RALYL: variants seen among roughly 807,000 people sequenced by gnomAD.
RALYL encodes the protein RALY RNA binding protein like, also known as RNA-binding Raly-like protein.
Under a neutral mutation model 35.1 loss-of-function variants are expected in RALYL, and 29 were observed. The ratio of observed to expected loss-of-function variants is 0.83; its 90% CI spans 0.61 to 1.13. The LOEUF is 1.13. Among genes scored for constraint, RALYL ranks in the 50% most tolerant of loss-of-function variants. RALYL has a pLI of 0.00. For missense variants in RALYL, 359 were observed against 360.4 expected, an observed-to-expected ratio of 1.00 and a Z score of 0.03; for synonymous variants, 120 against 127.6, an observed-to-expected ratio of 0.94 and a Z score of 0.40.
At chr8:84,498,044 G>A (rs555186816) in intron 1 of RALYL, among the ~76,000 whole-genome samples, 3 of 151,790 alleles carry the variant, frequency 2.0e-5, no homozygotes, top group Admixed American at 6.6e-5. Context: ...TGATGCTGAG[G>A]TTGGGGTTTG....
intron 2 of RALYL, among the ~76,000 whole-genome samples, chr8:84,551,416 C>T (rs1364197167): frequency 2.0e-5 from 3 of 152,032 alleles, no homozygotes; most frequent in Non-Finnish European, 4.4e-5. Flanking sequence ...TCCTGGAGTG[C>T]ACAAATTATT....
chr8:84,712,402 G>T lies in RALYL; in HGVS notation c.257-62177G>T, dbSNP rs1564416679. On this transcript the variant is annotated intron_variant, in intron 2 of 8. Transcript: ENST00000521268. ...TATCCTTAATCACAGGCTTTTACAG[G>T]CTCCAGCCTGTGACTGGTTCTGCCT... Among the ~76,000 whole-genome samples, 4 of 152,140 alleles carry T rather than the reference G, an allele frequency of 2.6e-5. No homozygotes were observed. In the South Asian group the frequency reaches 6.2e-4, roughly 24 times the overall value.
At chr8:84,340,343 T>C (rs1848581561) in intron 1 of RALYL, among the ~76,000 whole-genome samples, 1 of 152,098 alleles carries the variant, frequency 6.6e-6, no homozygotes, top group African/African-American at 2.4e-5. Context: ...AAATACAGTG[T>C]TATTAACTGT....
chr8:84,679,325 C>T (rs911122321), intron 2 of RALYL: 2 of 256,210 alleles, frequency 7.8e-6, no homozygotes, highest in Non-Finnish European at 1.6e-5. Context: ...ATGTTGTTGG[C>T]TGTAGGGAAC....
At chr8:84,877,524 G>T (rs142258157) in intron 7 of RALYL, among the ~76,000 whole-genome samples, 6 of 151,040 alleles carry the variant, frequency 4.0e-5, no homozygotes, top group African/African-American at 1.5e-4. Flanking sequence ...ACACATATAC[G>T]CACACACATA....
At chr8:84,580,172 A>G (rs1648282331) in intron 2 of RALYL, among the ~76,000 whole-genome samples, 2 of 152,194 alleles carry the variant, frequency 1.3e-5, no homozygotes, top group African/African-American at 2.4e-5. Context: ...TCTTCATTCC[A>G]TTCATTTATT....
At chr8:84,916,871 A>C (rs890737209) in intron 8 of RALYL, among the ~76,000 whole-genome samples, 5 of 152,174 alleles carry the variant, frequency 3.3e-5, no homozygotes, top group African/African-American at 1.2e-4. Flanking sequence ...AACATGATGC[A>C]AAAGTTTGAC....
chr8:84,401,065 T>C (rs559628733), intron 1 of RALYL, among the ~76,000 whole-genome samples: 7 of 152,222 alleles, frequency 4.6e-5, no homozygotes, highest in South Asian at 2.1e-4. Flanking sequence ...ATAAGCTTTT[T>C]CCCCCAATGG....
intron 2 of RALYL, among the ~76,000 whole-genome samples, chr8:84,671,257 C>A (rs1271567432): frequency 3.3e-5 from 5 of 152,168 alleles, no homozygotes; most frequent in African/African-American, 1.2e-4. Flanking sequence ...TTGCGGGATA[C>A]AGCCCTCCCT....
At chr8:84,629,857 T>C (rs1403108652) in intron 2 of RALYL, among the ~76,000 whole-genome samples, 1 of 152,036 alleles carries the variant, frequency 6.6e-6, no homozygotes, top group East Asian at 1.9e-4. Context: ...CAAAAGGATA[T>C]ATGGTTTTCT....
chr8:84,218,057 G>GAAA (rs141852389), intron 1 of RALYL, among the ~76,000 whole-genome samples: 1 of 151,636 alleles, frequency 6.6e-6, no homozygotes, highest in African/African-American at 2.4e-5. Flanking sequence ...CATATTTTCT[G>GAAA]AAAAAATATA....
intron 1 of RALYL, among the ~76,000 whole-genome samples, chr8:84,379,898 T>C (rs972224926): frequency 2.6e-5 from 4 of 151,582 alleles, no homozygotes; most frequent in African/African-American, 9.7e-5. Flanking sequence ...TCCTTTAAGA[T>C]CTATAAAAAT....
chr8:84,576,353 G>A (rs1367237994), intron 2 of RALYL, among the ~76,000 whole-genome samples: 1 of 152,184 alleles, frequency 6.6e-6, no homozygotes, highest in Admixed American at 6.5e-5. Context: ...GAGTTTTACA[G>A]TTAAATATTT....
intron 3 of RALYL, among the ~76,000 whole-genome samples, chr8:84,780,244 C>T (rs1048633978): frequency 1.3e-5 from 2 of 152,156 alleles, no homozygotes; most frequent in African/African-American, 4.8e-5. Flanking sequence ...TACATCCTGT[C>T]CTTCTGAAAC....
chr8:84,292,107 A>T (rs1352226286), intron 1 of RALYL, among the ~76,000 whole-genome samples: 1 of 152,058 alleles, frequency 6.6e-6, no homozygotes, highest in Non-Finnish European at 1.5e-5. Context: ...AATTTTGGAT[A>T]TAATAAAATG....
chr8:84,904,062 GATT>G (rs1420179157), intron 8 of RALYL, among the ~76,000 whole-genome samples: 1 of 152,152 alleles, frequency 6.6e-6, no homozygotes. Context: ...TCAAATCGCA[GATT>G]ATATTCTAAA....
chr8:84,916,108 T>TAAAAGG (rs367829942), intron 8 of RALYL, among the ~76,000 whole-genome samples: 174 of 152,122 alleles, frequency 1.1e-3, no homozygotes, highest in African/African-American at 4.0e-3. Flanking sequence ...GAAACAATCA[T>TAAAAGG]AAAAGGAAAA....
At chr8:84,576,308 G>A (rs1809418021) in intron 2 of RALYL, among the ~76,000 whole-genome samples, 2 of 152,136 alleles carry the variant, frequency 1.3e-5, no homozygotes, top group Admixed American at 1.3e-4. Flanking sequence ...TAAAGAAATT[G>A]TAAGTAAAAT....
At chr8:84,186,345 A>G (rs1322179831) in intron 1 of RALYL, among the ~76,000 whole-genome samples, 1 of 152,224 alleles carries the variant, frequency 6.6e-6, no homozygotes, top group African/African-American at 2.4e-5. Context: ...GCCACTTGCA[A>G]CATTCTGTGA....
Sources: gnomAD v4.1 joint callset for allele counts (sites outside exome capture counted in the v4.1 genomes callset) on GRCh38, gnomAD v4.1.1 for gene constraint, MANE v1.5 for transcripts, NCBI Gene and HGNC (gene_info 2026-07-23, HGNC 2026-07-21) for gene names.